CDH12: variants seen among roughly 807,000 people sequenced by gnomAD.
CDH12 encodes cadherin 12, also known as cadherin-12.
In CDH12, 41 loss-of-function variants were observed where a neutral mutation model predicts 74.1. That is an observed-to-expected ratio of 0.55 (90% CI 0.43 to 0.72). The LOEUF (loss-of-function observed/expected upper bound fraction) is 0.72, where lower values mean the gene tolerates loss of function less well. Ranked by LOEUF, CDH12 falls within the 30% of genes least tolerant of loss-of-function variation. The pLI is 0.00. For missense variants in CDH12, 945 were observed against 977.2 expected, an observed-to-expected ratio of 0.97 and a Z score of 0.44; for synonymous variants, 399 against 355.0, an observed-to-expected ratio of 1.12 and a Z score of -1.39.
At chr5:21,921,200 T>G (rs531923711) in intron 6 of CDH12, among the ~76,000 whole-genome samples, 1 of 152,188 alleles carries the variant, frequency 6.6e-6, no homozygotes, top group Non-Finnish European at 1.5e-5. Flanking sequence ...CCCCACATAT[T>G]AGAAGCACAG....
At chr5:22,514,807 A>C (rs578091195) in intron 1 of CDH12, among the ~76,000 whole-genome samples, 3 of 152,306 alleles carry the variant, frequency 2.0e-5, no homozygotes, top group African/African-American at 7.2e-5. Flanking sequence ...CTTAAATCAC[A>C]AAACACAAAG....
chr5:22,559,178 A>G (rs1738935820), intron 1 of CDH12, among the ~76,000 whole-genome samples: 1 of 152,080 alleles, frequency 6.6e-6, no homozygotes, highest in Non-Finnish European at 1.5e-5. Context: ...GCAGAGAAGT[A>G]ATTTACCCCA....
chr5:22,078,839 G>T lies in CDH12; in HGVS notation c.-163C>A. 7.1e-7 allele frequency: 1 copy of T among 1,417,138 alleles called. No individual in the cohort carries two copies. Among genetic ancestry groups the T allele is most frequent in the Non-Finnish European group, 9.2e-7 (1 of 1,089,038 alleles). 87.8% of individuals were successfully genotyped at this position (1,417,138 alleles called of 1,614,324 possible). On this transcript the variant is annotated 5_prime_UTR_variant, in exon 5 of 15. Coordinates refer to ENST00000382254, the MANE Select transcript of CDH12 (RefSeq NM_004061.5). ...TCCTTTTGATGAAAAGGCTTCTGCT[G>T]TATTATATTCCATCTAAAGGGGCCT...
rs972021043 is a variant in CDH12, at chr5:22,818,407, T to A, written c.-523+34651A>T. 2.0e-5 allele frequency among the ~76,000 whole-genome samples: 3 copies of A among 152,146 alleles called. No homozygotes were observed. In the East Asian group the frequency reaches 5.8e-4, roughly 29 times the overall value. ...CACTATCTCTGCCATTCATTCATTC[T>A]CATCTTCCTCCATCCCTTTCACTTG... On this transcript the variant is annotated intron_variant, in intron 1 of 14. Transcript: ENST00000382254.
At position 22,178,553 on chromosome 5, in the gene CDH12, A is replaced by G. The variant is rs556080897; in HGVS notation, c.-187+33945T>C. Among the ~76,000 whole-genome samples, 6 of 152,300 alleles carry G rather than the reference A, an allele frequency of 3.9e-5. No homozygotes were observed. The East Asian group carries it at 9.7e-4, about 25-fold the overall frequency. ...GATTGTTTCTATTAATTAAACTCTT[A>G]GAAGCTGAAATTGCTAGATAAATGC... On this transcript the variant is annotated intron_variant, in intron 4 of 14. Coordinates refer to ENST00000382254, the MANE Select transcript of CDH12 (RefSeq NM_004061.5).
At chr5:22,291,084 G>A (rs1737367069) in intron 3 of CDH12, among the ~76,000 whole-genome samples, 1 of 151,990 alleles carries the variant, frequency 6.6e-6, no homozygotes, top group African/African-American at 2.4e-5. Flanking sequence ...CAATAGATGT[G>A]ATACATCAAA....
intron 1 of CDH12, among the ~76,000 whole-genome samples, chr5:22,664,171 ATT>A (rs1258695564): frequency 6.6e-6 from 1 of 152,204 alleles, no homozygotes; most frequent in African/African-American, 2.4e-5. Flanking sequence ...TGACTGTAGC[ATT>A]TGTTTCGTAA....
chr5:21,903,679 CA>C (rs1753502890), intron 6 of CDH12, among the ~76,000 whole-genome samples: 1 of 151,966 alleles, frequency 6.6e-6, no homozygotes, highest in African/African-American at 2.4e-5. Flanking sequence ...ATAACAGTGT[CA>C]TAAAATAGAA....
intron 1 of CDH12, among the ~76,000 whole-genome samples, chr5:22,531,701 A>G (rs1737588287): frequency 6.6e-6 from 1 of 152,202 alleles, no homozygotes; most frequent in Admixed American, 6.5e-5. Context: ...AGATGGCAAA[A>G]GAAATTCCAA....
intron 2 of CDH12, among the ~76,000 whole-genome samples, chr5:22,430,407 C>T (rs564200742): frequency 6.6e-6 from 1 of 152,046 alleles, no homozygotes; most frequent in East Asian, 1.9e-4. Flanking sequence ...AAAAAAATCA[C>T]ATATAAATAT....
chr5:22,452,538 A>C (rs899189368), intron 2 of CDH12, among the ~76,000 whole-genome samples: 1 of 151,974 alleles, frequency 6.6e-6, no homozygotes, highest in East Asian at 1.9e-4. Context: ...ATGAAACTAG[A>C]TCTCTGTTTC....
intron 2 of CDH12, among the ~76,000 whole-genome samples, chr5:22,477,354 T>C (rs1464242594): frequency 6.6e-6 from 1 of 152,130 alleles, no homozygotes; most frequent in Non-Finnish European, 1.5e-5. Context: ...TTTCTGTTAG[T>C]GTGTTAGTTT....
chr5:22,461,019 C>T (rs1011563211), intron 2 of CDH12, among the ~76,000 whole-genome samples: 6 of 144,764 alleles, frequency 4.1e-5, no homozygotes, highest in African/African-American at 1.5e-4. Flanking sequence ...CCGCGCCAGG[C>T]CAATGTCTAG....
intron 1 of CDH12, among the ~76,000 whole-genome samples, chr5:22,794,179 T>A (rs996250283): frequency 2.0e-5 from 3 of 152,214 alleles, no homozygotes; most frequent in African/African-American, 7.2e-5. Flanking sequence ...TATGCATTCA[T>A]GTTTTCCATT....
intron 8 of CDH12, among the ~76,000 whole-genome samples, chr5:21,819,488 T>C (rs1236281503): frequency 2.0e-5 from 3 of 152,004 alleles, no homozygotes; most frequent in Admixed American, 6.6e-5. Flanking sequence ...TCTTGTTGTG[T>C]GACTGTGATG....
intron 1 of CDH12, among the ~76,000 whole-genome samples, chr5:22,753,399 T>G (rs1745704710): frequency 6.7e-6 from 1 of 149,116 alleles, no homozygotes; most frequent in Non-Finnish European, 1.5e-5. Context: ...ATCGCGCCAT[T>G]GCACTTTAGC....
At chr5:22,152,328 A>T (rs1747650215) in intron 4 of CDH12, 1 of 152,202 alleles carries the variant, frequency 6.6e-6, no homozygotes, top group South Asian at 2.1e-4. Context: ...GCTGAACATT[A>T]GACATAATTA....
At chr5:22,739,021 G>A (rs760262954) in intron 1 of CDH12, among the ~76,000 whole-genome samples, 54 of 151,780 alleles carry the variant, frequency 3.6e-4, no homozygotes, top group Non-Finnish European at 5.6e-4. Context: ...TGTTTAACAT[G>A]AAAAACTATA....
At chr5:22,091,197 G>GTA (rs144921991) in intron 4 of CDH12, among the ~76,000 whole-genome samples, 6,021 of 132,066 alleles carry the variant, frequency 0.046, 139 homozygotes, top group Middle Eastern at 0.093. Flanking sequence ...GTGTGTGTGT[G>GTA]TATATATATA....
Sources: gnomAD v4.1 joint callset for allele counts (sites outside exome capture counted in the v4.1 genomes callset) on GRCh38, gnomAD v4.1.1 for gene constraint, MANE v1.5 for transcripts, NCBI Gene and HGNC (gene_info 2026-07-23, HGNC 2026-07-21) for gene names.